DCC: variants seen among roughly 807,000 people sequenced by gnomAD.
DCC encodes the protein DCC netrin 1 receptor.
A neutral mutation model predicts 172.5 loss-of-function variants in DCC; 58 were observed. That is an observed-to-expected ratio of 0.34 (90% confidence interval 0.27 to 0.42). DCC has a LOEUF of 0.42. DCC is among the 10% of genes least tolerant of loss of function. DCC has a pLI of 1.00. For synonymous variants in DCC, 709 were observed against 644.5 expected (o/e 1.10, Z -1.52); for missense variants, 1,740 against 1,791.0 (o/e 0.97, Z 0.51).
At chr18:52,985,452 C>A (rs2041277029) in intron 5 of DCC, among the ~76,000 whole-genome samples, 1 of 151,988 alleles carries the variant, frequency 6.6e-6, no homozygotes, top group East Asian at 1.9e-4. Context: ...TTTAATTCTC[C>A]TTCCTTTGTA....
chr18:52,976,191 A>G (rs1032587925), intron 5 of DCC, among the ~76,000 whole-genome samples: 5 of 151,408 alleles, frequency 3.3e-5, no homozygotes, highest in Non-Finnish European at 5.9e-5. Context: ...TCACATTTTT[A>G]TAGGGTCATG....
intron 2 of DCC, among the ~76,000 whole-genome samples, chr18:52,760,801 A>G (rs1432771118): frequency 4.6e-5 from 7 of 152,214 alleles, no homozygotes; most frequent in Non-Finnish European, 8.8e-5. Flanking sequence ...ATCAAAACCT[A>G]GAGTGTGTCC....
At chr18:53,080,825 T>A (rs1344098944) in intron 7 of DCC, among the ~76,000 whole-genome samples, 1 of 152,094 alleles carries the variant, frequency 6.6e-6, no homozygotes, top group Non-Finnish European at 1.5e-5. Context: ...TTGGCATTGC[T>A]GATGGTAATG....
At chr18:53,383,433 C>T (rs1907914821) in intron 15 of DCC, among the ~76,000 whole-genome samples, 1 of 151,062 alleles carries the variant, frequency 6.6e-6, no homozygotes, top group Non-Finnish European at 1.5e-5. Flanking sequence ...TTTCTGTTTG[C>T]AGATTATCCT....
chr18:52,909,736 G>A (rs2039942092), intron 3 of DCC, among the ~76,000 whole-genome samples: 1 of 152,094 alleles, frequency 6.6e-6, no homozygotes, highest in Non-Finnish European at 1.5e-5. Flanking sequence ...ACTTTTGAAT[G>A]AATCTTACAT....
chr18:53,038,719 T>A (rs2042127549), intron 5 of DCC, among the ~76,000 whole-genome samples: 1 of 152,006 alleles, frequency 6.6e-6, no homozygotes, highest in African/African-American at 2.4e-5. Flanking sequence ...CCATAGCCAC[T>A]AAGTGGCAGG....
At chr18:53,152,160 G>A (rs1159976196) in intron 7 of DCC, among the ~76,000 whole-genome samples, 1 of 152,140 alleles carries the variant, frequency 6.6e-6, no homozygotes, top group Non-Finnish European at 1.5e-5. Flanking sequence ...TGATTTGGTG[G>A]CTACATTTGT....
chr18:52,531,652 A>AT (rs966005656), intron 1 of DCC, among the ~76,000 whole-genome samples: 6 of 150,280 alleles, frequency 4.0e-5, no homozygotes, highest in East Asian at 3.9e-4. Flanking sequence ...TGAGTTTTCC[A>AT]TTTTTTTTTC....
At chr18:53,105,453 C>T (rs1457323950) in intron 7 of DCC, among the ~76,000 whole-genome samples, 1 of 151,966 alleles carries the variant, frequency 6.6e-6, no homozygotes, top group Non-Finnish European at 1.5e-5. Flanking sequence ...TCTCATGGCC[C>T]TTGCTTTATA....
chr18:52,974,514 C>T (rs2041083155), intron 5 of DCC, among the ~76,000 whole-genome samples: 1 of 152,138 alleles, frequency 6.6e-6, no homozygotes, highest in Admixed American at 6.6e-5. Context: ...AACACAAGTG[C>T]TGATAAAATG....
intron 5 of DCC, among the ~76,000 whole-genome samples, chr18:53,044,684 G>GA (rs1209507216): frequency 6.6e-6 from 1 of 151,686 alleles, no homozygotes. Context: ...TACTAAGAAA[G>GA]AAAAAATAAC....
At position 52,982,674 on chromosome 18, in the gene DCC, T is replaced by C. The variant is rs553373016; in HGVS notation, c.985+57304T>C. 3.3e-5 allele frequency among the ~76,000 whole-genome samples: 5 copies of C among 152,246 alleles called. No homozygotes were observed. The South Asian group carries it at 8.3e-4, about 25-fold the overall frequency. On this transcript the variant is annotated intron_variant, in intron 5 of 28. Coordinates refer to ENST00000442544, the MANE Select transcript of DCC (RefSeq NM_005215.4). ...AACAGCCAAACATGTTTTGAGATAT[T>C]GCCAGATGTCCCCAAGAGCACCAAA...
chr18:53,089,422 A>G (rs1291619688), intron 7 of DCC, among the ~76,000 whole-genome samples: 1 of 151,924 alleles, frequency 6.6e-6, no homozygotes, highest in African/African-American at 2.4e-5. Flanking sequence ...TTCCTCTTTC[A>G]TGCCTTGTGT....
At chr18:52,824,472 A>G (rs1479804490) in intron 2 of DCC, among the ~76,000 whole-genome samples, 1 of 152,130 alleles carries the variant, frequency 6.6e-6, no homozygotes, top group African/African-American at 2.4e-5. Context: ...AAACATCTTG[A>G]TGGCTTTAAA....
intron 1 of DCC, among the ~76,000 whole-genome samples, chr18:52,714,991 G>A (rs928914794): frequency 6.6e-5 from 10 of 152,044 alleles, no homozygotes; most frequent in African/African-American, 1.9e-4. Context: ...AGATATGATC[G>A]CTACATAGGA....
intron 1 of DCC, among the ~76,000 whole-genome samples, chr18:52,751,849 A>G (rs1327758274): frequency 6.6e-6 from 1 of 151,852 alleles, no homozygotes; most frequent in African/African-American, 2.4e-5. Flanking sequence ...TTTTGGAGCC[A>G]ATTGTTTTCT....
At chr18:52,501,667 G>C (rs2031026128) in intron 1 of DCC, among the ~76,000 whole-genome samples, 1 of 152,110 alleles carries the variant, frequency 6.6e-6, no homozygotes, top group African/African-American at 2.4e-5. Flanking sequence ...GAATGAAAGA[G>C]TCAGAATTTA....
intron 1 of DCC, among the ~76,000 whole-genome samples, chr18:52,452,254 T>C (rs957148573): frequency 1.4e-4 from 22 of 152,244 alleles, no homozygotes; most frequent in African/African-American, 5.1e-4. Flanking sequence ...AAATATGCTT[T>C]AGGTAGAAAT....
At chr18:53,442,283 G>A (rs927237904) in intron 22 of DCC, among the ~76,000 whole-genome samples, 3 of 152,158 alleles carry the variant, frequency 2.0e-5, no homozygotes. Context: ...TTTTCTAACA[G>A]CTTGTGCTCA....
Sources: gnomAD v4.1 joint callset for allele counts (sites outside exome capture counted in the v4.1 genomes callset) on GRCh38, gnomAD v4.1.1 for gene constraint, MANE v1.5 for transcripts, NCBI Gene and HGNC (gene_info 2026-07-23, HGNC 2026-07-21) for gene names.